EPAS1: variants seen among roughly 807,000 people sequenced by gnomAD.
EPAS1 encodes endothelial PAS domain protein 1, also known as endothelial PAS domain-containing protein 1.
Under a neutral mutation model 87.9 loss-of-function variants are expected in EPAS1, and 23 were observed. That is an observed-to-expected ratio of 0.26 (90% CI 0.19 to 0.37). The LOEUF is 0.37. Ranked by LOEUF, EPAS1 falls within the 10% of genes least tolerant of loss-of-function variation. The pLI is 1.00. For missense variants in EPAS1, 1,138 were observed against 1,120.7 expected, an observed-to-expected ratio of 1.02 and a Z score of -0.22; for synonymous variants, 508 against 444.3, an observed-to-expected ratio of 1.14 and a Z score of -1.80.
intron 8 of EPAS1, among the ~76,000 whole-genome samples, chr2:46,376,132 G>C (rs1684741801): frequency 6.6e-6 from 1 of 151,652 alleles, no homozygotes; most frequent in African/African-American, 2.4e-5. Flanking sequence ...AATATTTTCT[G>C]AATGGGGAAA....
chr2:46,333,929 C>G (rs1266364081), intron 1 of EPAS1, among the ~76,000 whole-genome samples: 1 of 151,952 alleles, frequency 6.6e-6, no homozygotes, highest in Admixed American at 6.6e-5. Context: ...ACCACCAGAG[C>G]CAGAGGAGGC....
intron 1 of EPAS1, among the ~76,000 whole-genome samples, chr2:46,326,981 CTTCAA>C (rs1683575895): frequency 6.6e-6 from 1 of 152,120 alleles, no homozygotes; most frequent in Non-Finnish European, 1.5e-5. Flanking sequence ...ACCTCTGATT[CTTCAA>C]CTGCAAAATG....
chr2:46,349,705 T>A (rs1050376424), intron 2 of EPAS1, among the ~76,000 whole-genome samples: 2 of 152,274 alleles, frequency 1.3e-5, no homozygotes, highest in African/African-American at 4.8e-5. Flanking sequence ...AGATGGTTTC[T>A]CAGCACCCGC....
chr2:46,300,284 C>A lies in EPAS1; in HGVS notation c.26+2347C>A, dbSNP rs183512801. 2.0e-5 allele frequency among the ~76,000 whole-genome samples: 3 copies of A among 152,308 alleles called. No homozygotes were observed. Among genetic ancestry groups the A allele is most frequent in the Admixed American group, 2.0e-4 (3 of 15,302 alleles). On this transcript the variant is annotated intron_variant, in intron 1 of 15. Coordinates refer to ENST00000263734, the MANE Select transcript of EPAS1 (RefSeq NM_001430.5). This position sits in a 1 kb window ranked among gnomAD's most constrained non-coding sequence, Gnocchi z 4.1. ...GATGTGACAGTGAGGGGGCTCTCTG[C>A]TGATGATTCTGCCCACTAGTTCTTA... is the stretch of plus-strand genomic sequence containing the variant.
At chr2:46,381,485 T>A in intron 12 of EPAS1, 111 bp from the exon 13 acceptor site, 1 of 1,567,262 alleles carries the variant, frequency 6.4e-7, no homozygotes, top group Non-Finnish European at 8.8e-7. Flanking sequence ...TTTGGGTCTT[T>A]GAGTCATCAC....
intron 4 of EPAS1, among the ~76,000 whole-genome samples, chr2:46,359,410 G>A (rs1684343426): frequency 6.6e-6 from 1 of 152,004 alleles, no homozygotes; most frequent in African/African-American, 2.4e-5. Context: ...TCCTGGTGGT[G>A]GGGCCAGATC....
At chr2:46,298,888 G>A (rs1682939707) in intron 1 of EPAS1, among the ~76,000 whole-genome samples, 1 of 152,190 alleles carries the variant, frequency 6.6e-6, no homozygotes, top group Non-Finnish European at 1.5e-5. Flanking sequence ...GCGGCTCGCC[G>A]CCTGTCCCCT....
At chr2:46,302,169 G>T (rs986124865) in intron 1 of EPAS1, among the ~76,000 whole-genome samples, 1 of 145,238 alleles carries the variant, frequency 6.9e-6, no homozygotes, top group African/African-American at 2.6e-5. Flanking sequence ...TCGGGGGGGG[G>T]GGCAGTGGTG....
At chr2:46,316,259 C>CT (rs1322995871) in intron 1 of EPAS1, among the ~76,000 whole-genome samples, 79 of 145,598 alleles carry the variant, frequency 5.4e-4, no homozygotes, top group Non-Finnish European at 5.6e-4. Flanking sequence ...TGTACATACC[C>CT]TTTTTTTTTT....
At chr2:46,356,421 C>G (rs1417354725) in intron 3 of EPAS1, 119 bp downstream of exon 3, 12 of 1,322,796 alleles carry the variant, frequency 9.1e-6, no homozygotes, top group Admixed American at 1.9e-5. Context: ...CACGGTGACC[C>G]TCGCTGACCT....
intron 6 of EPAS1, among the ~76,000 whole-genome samples, chr2:46,362,772 T>C (rs1314533264): frequency 6.6e-6 from 1 of 152,238 alleles, no homozygotes; most frequent in Non-Finnish European, 1.5e-5. Context: ...TTTGTAAAAG[T>C]ATCCTTGAGT....
In EPAS1 at chr2:46,384,630, C is replaced by T. The variant is rs376838302; in HGVS notation, c.2583C>T (p.Asp861=). The T allele has an allele frequency of 2.5e-6, 4 of 1,613,904 alleles. No homozygotes were observed. Among genetic ancestry groups the T allele is most frequent in the African/African-American group, 2.7e-5 (2 of 74,924 alleles). Residue 861 remains aspartate, a synonymous_variant, in exon 16 of 16, where the codon GAC becomes GAT. Transcript: ENST00000263734. ...LGSSTLLQGG[D]LLRALDQAT ...GCTCCACGCTCCTGCAAGGAGGGGA[C>T]CTCCTCAGAGCCCTGGACCAGGCCA... is the stretch of plus-strand genomic sequence containing the variant.
At position 46,297,931 on chromosome 2, in the gene EPAS1, A is replaced by G. The variant is rs1191268483; in HGVS notation, c.20A>G (p.Lys7Arg). The change falls in exon 1 of 16, where the codon AAG (lysine) becomes AGG (arginine). Residue 7 changes from lysine (K) to arginine (R), a missense_variant. Around this residue, in one of 4 missense-constraint regions of EPAS1, gnomAD observed 351 missense variants for 417.1 expected, o/e 0.84. Coordinates refer to ENST00000263734, the MANE Select transcript of EPAS1 (RefSeq NM_001430.5). ...GCGACAATGACAGCTGACAAGGAGAAGAAAAGGTAAGCGGGCGTCCGGGCC... is the reference window on the plus strand; with the variant it reads ...GCGACAATGACAGCTGACAAGGAGAGGAAAAGGTAAGCGGGCGTCCGGGCC... The part of the protein sequence containing the change: MTADKE[K>R]KRSSSERRKE... The G allele has an allele frequency of 1.9e-6, 3 of 1,612,440 alleles. No homozygotes were observed. Among genetic ancestry groups the G allele is most frequent in the Non-Finnish European group, 2.5e-6 (3 of 1,179,338 alleles).
At position 46,360,761 on chromosome 2, in the gene EPAS1, G is replaced by A; in HGVS notation, c.573+5G>A. On this transcript the variant is annotated splice_donor_5th_base_variant and intron_variant, in intron 5 of 15. Coordinates refer to ENST00000263734, the MANE Select transcript of EPAS1 (RefSeq NM_001430.5). The surrounding 1 kb of genome is among the most constrained non-coding windows in gnomAD (Gnocchi z 4.5). The stretch of plus-strand genomic sequence containing the variant: ...CTCAAGTCAGCCACCTGGAAGGTAG[G>A]GCAACATCAGGCCTGGGTTGGAGTC... The A allele has an allele frequency of 6.2e-7, 1 of 1,613,988 alleles. No individual in the cohort carries two copies. Among genetic ancestry groups the A allele is most frequent in the Non-Finnish European group, 8.5e-7 (1 of 1,179,936 alleles).
chr2:46,349,526 C>T (rs1684104989), intron 2 of EPAS1, among the ~76,000 whole-genome samples: 1 of 152,242 alleles, frequency 6.6e-6, no homozygotes, highest in Admixed American at 6.5e-5. Context: ...TGCCCTCTGG[C>T]TGGGCTCGGC....
At chr2:46,350,705 C>T (rs79077431) in intron 2 of EPAS1, among the ~76,000 whole-genome samples, 2,083 of 152,354 alleles carry the variant, frequency 0.014, 23 homozygotes, top group Non-Finnish European at 0.021. Flanking sequence ...AGTGAATATA[C>T]AAAATTTGCT....
At chr2:46,302,822 C>A (rs1683037613) in intron 1 of EPAS1, among the ~76,000 whole-genome samples, 4 of 151,668 alleles carry the variant, frequency 2.6e-5, no homozygotes, top group Non-Finnish European at 1.5e-5. Flanking sequence ...GCCTGTAATC[C>A]CAGCACTTTG....
In EPAS1 at chr2:46,346,194, GAGACAGCCTGGCAACCTA is replaced by G. The variant is rs1279624549; in HGVS notation, c.27-678_27-661del. Among the ~76,000 whole-genome samples the G allele has an allele frequency of 2.6e-5, 4 of 152,328 alleles. No individual in the cohort carries two copies. Among genetic ancestry groups the G allele is most frequent in the African/African-American group, 9.6e-5 (4 of 41,568 alleles). ...CTGCAGCAAAGAGGAGAATGAGGCT[GAGACAGCCTGGCAACCTA>G]TGCTGGCAGGGCTTAGAGAGAAAAT... On this transcript the variant is annotated intron_variant, in intron 1 of 15. Transcript: ENST00000263734. The surrounding 1 kb of genome is among the most constrained non-coding windows in gnomAD (Gnocchi z 4.0).
At chr2:46,302,388 C>T (rs1484999398) in intron 1 of EPAS1, among the ~76,000 whole-genome samples, 1 of 152,046 alleles carries the variant, frequency 6.6e-6, no homozygotes, top group African/African-American at 2.4e-5. Context: ...CTGCCCTATG[C>T]CAACCTGCTA....
Sources: gnomAD v4.1 joint callset for allele counts (sites outside exome capture counted in the v4.1 genomes callset) on GRCh38, gnomAD v4.1.1 for gene constraint, gnomAD v4.1.1 regional missense constraint, Gnocchi (gnomAD v3.1) non-coding constraint, MANE v1.5 for transcripts, NCBI Gene and HGNC (gene_info 2026-07-23, HGNC 2026-07-21) for gene names.